LCP2: variants seen among roughly 807,000 people sequenced by gnomAD.
The protein encoded by LCP2 is lymphocyte cytosolic protein 2.
A neutral mutation model predicts 74.5 loss-of-function variants in LCP2; 29 were observed. That is an observed-to-expected ratio of 0.39 (90% CI 0.29 to 0.53). The LOEUF is 0.53. Ranked by LOEUF, LCP2 falls within the 20% of genes least tolerant of loss-of-function variation. LCP2 has a pLI of 0.72. For missense variants in LCP2, 604 were observed against 634.6 expected (o/e 0.95, Z 0.52); for synonymous variants, 228 against 229.5 (o/e 0.99, Z 0.06).
chr5:170,247,114 C>A lies in LCP2; in HGVS notation c.*1583G>T, dbSNP rs150085004. ...AAGTGGAGCTTACTCGATACTAGAA[C>A]CTATGGTGTATGCTATCCTTACTAC... On this transcript the variant is annotated 3_prime_UTR_variant, in exon 21 of 21. Transcript: ENST00000046794. The A allele has an allele frequency of 9.2e-5, 14 of 152,294 alleles. No homozygotes were observed. The highest frequency in any genetic ancestry group is 3.4e-4 in the African/African-American group (14 of 41,566). The allele number at this position is 152,294 out of a possible 1,614,324, so 9.4% of individuals were successfully genotyped here. A position where few individuals can be genotyped will look rare whatever the true frequency, so the allele number is the denominator to read the frequency against.
At chr5:170,290,998 A>AAGAG (rs746159566) in intron 2 of LCP2, among the ~76,000 whole-genome samples, 2 of 84,896 alleles carry the variant, frequency 2.4e-5, no homozygotes, top group Non-Finnish European at 5.2e-5. Context: ...GAAAGAAAGA[A>AAGAG]AGAGAGAAAG....
chr5:170,292,471 G>A (rs1245939311), intron 2 of LCP2, among the ~76,000 whole-genome samples: 1 of 152,114 alleles, frequency 6.6e-6, no homozygotes, highest in African/African-American at 2.4e-5. Context: ...TGATCTCTCT[G>A]GTCTCATCCA....
chr5:170,260,952 G>A (rs964548258), intron 14 of LCP2, 155 bp downstream of exon 14: 10 of 638,170 alleles, frequency 1.6e-5, no homozygotes, highest in African/African-American at 1.5e-4. Context: ...AAGGCCCAAA[G>A]ACAGAGGCAC....
At chr5:170,289,512 G>A (rs761716032) in intron 2 of LCP2, among the ~76,000 whole-genome samples, 8 of 152,156 alleles carry the variant, frequency 5.3e-5, no homozygotes, top group East Asian at 3.9e-4. Context: ...GACCACCTGC[G>A]GCAGGGTGGG....
At chr5:170,283,234 T>A (rs983667965) in intron 3 of LCP2, among the ~76,000 whole-genome samples, 1 of 152,170 alleles carries the variant, frequency 6.6e-6, no homozygotes, top group African/African-American at 2.4e-5. Flanking sequence ...TTTGTTTTAG[T>A]TTCCAGAGAG....
At chr5:170,272,392 C>T (rs572775012) in intron 6 of LCP2, among the ~76,000 whole-genome samples, 1 of 152,240 alleles carries the variant, frequency 6.6e-6, no homozygotes, top group South Asian at 2.1e-4. Context: ...AGTTGGGCCT[C>T]ATCAGTGACC....
In LCP2 at chr5:170,248,140, ATAAAAAAATTACG is replaced by A. The variant is rs1300004461; in HGVS notation, c.*544_*556del. On this transcript the variant is annotated 3_prime_UTR_variant, in exon 21 of 21. Coordinates refer to ENST00000046794, the MANE Select transcript of LCP2 (RefSeq NM_005565.5). ...TATCTCAACATGCATTTGTCTTTTC[ATAAAAAAATTACG>A]TAAAAATGCCCCCAGGAAAAAATAC... 1 of 152,394 alleles carries A rather than the reference ATAAAAAAATTACG, an allele frequency of 6.6e-6. No individual in the cohort carries two copies. The highest frequency in any genetic ancestry group is 2.4e-5 in the African/African-American group (1 of 41,450). The allele number at this position is 152,394 out of a possible 1,614,324, so 9.4% of individuals were successfully genotyped here.
chr5:170,253,523 T>C (rs1761492521), intron 17 of LCP2, among the ~76,000 whole-genome samples: 3 of 152,218 alleles, frequency 2.0e-5, no homozygotes, highest in Admixed American at 6.5e-5. Flanking sequence ...AAATTCGCAA[T>C]TGTTTTAATG....
rs545823298 is a variant in LCP2, at chr5:170,263,912, T to C, written c.773-920A>G. On this transcript the variant is annotated intron_variant, in intron 10 of 20. Transcript: ENST00000046794. ...AGGATCAGGCACTTGATTGTGAAAG[T>C]TGGTCATACAAATTGGGAATTTTAT... is the stretch of plus-strand genomic sequence containing the variant. 2.6e-5 allele frequency among the ~76,000 whole-genome samples: 4 copies of C among 152,322 alleles called. No homozygotes were observed. The East Asian group carries it at 5.8e-4, about 22-fold the overall frequency.
intron 14 of LCP2, among the ~76,000 whole-genome samples, chr5:170,260,570 A>G (rs1326522520): frequency 6.6e-6 from 1 of 152,214 alleles, no homozygotes; most frequent in Admixed American, 6.5e-5. Context: ...ATACTCAACT[A>G]TCCTGGTTTT....
intron 7 of LCP2, among the ~76,000 whole-genome samples, chr5:170,268,871 G>GCATACATGCATGCA (rs1554140438): frequency 0.036 from 1,679 of 47,068 alleles, 37 homozygotes; most frequent in African/African-American, 0.12. Context: ...ATACACATGT[G>GCATACATGCATGCA]CACACATGCA....
intron 2 of LCP2, among the ~76,000 whole-genome samples, chr5:170,290,430 T>A (rs1762269339): frequency 6.6e-6 from 1 of 152,124 alleles, no homozygotes; most frequent in African/African-American, 2.4e-5. Flanking sequence ...ATGGTGGAGG[T>A]CACATGACTC....
chr5:170,269,502 C>T (rs1761854113), intron 7 of LCP2, among the ~76,000 whole-genome samples: 2 of 152,264 alleles, frequency 1.3e-5, no homozygotes, highest in Admixed American at 6.5e-5. Flanking sequence ...AGGCCATGCT[C>T]CTTTGAGCCT....
chr5:170,269,855 TG>T (rs1761863848), intron 7 of LCP2, among the ~76,000 whole-genome samples: 1 of 152,226 alleles, frequency 6.6e-6, no homozygotes, highest in South Asian at 2.1e-4. Flanking sequence ...TCCACTTCCC[TG>T]TATATGAAAC....
chr5:170,248,023 A>G lies in LCP2; in HGVS notation c.*674T>C, dbSNP rs2113140485. The G allele has an allele frequency of 6.6e-6, 1 of 152,324 alleles. No individual in the cohort carries two copies. The highest frequency in any genetic ancestry group is 6.5e-5 in the Admixed American group (1 of 15,302). The allele number at this position is 152,324 out of a possible 1,614,324, so 9.4% of individuals were successfully genotyped here. A position where few individuals can be genotyped will look rare whatever the true frequency, so the allele number is the denominator to read the frequency against. Reference sequence around the variant, plus strand: ...GTATTTGTAGTTTAAATTTTCTTTAAGACAAAAATATAACAGTATGGACTA... The same window carrying G: ...GTATTTGTAGTTTAAATTTTCTTTAGGACAAAAATATAACAGTATGGACTA... On this transcript the variant is annotated 3_prime_UTR_variant, in exon 21 of 21. Transcript: ENST00000046794.
In LCP2 at chr5:170,287,949, T is replaced by C. The variant is rs367604563; in HGVS notation, c.188+21A>G. ...CCCACCTCTGCTCCCAGATCACCCA[T>C]AGAGTTGGAGGAGTACTTACGGCAC... On this transcript the variant is annotated intron_variant, in intron 3 of 20. Transcript: ENST00000046794. The C allele has an allele frequency of 3.9e-5, 63 of 1,607,066 alleles. 1 individual carries two copies. Among genetic ancestry groups the C allele is most frequent in the Non-Finnish European group, 4.9e-5 (58 of 1,173,826 alleles).
At chr5:170,264,978 C>CTTTTTTTTTTT (rs58508083) in intron 10 of LCP2, among the ~76,000 whole-genome samples, 11 of 109,000 alleles carry the variant, frequency 1.0e-4, no homozygotes, top group African/African-American at 4.5e-4. Flanking sequence ...CAAAATTTGC[C>CTTTTTTTTTTT]TTTTTTTTTT....
chr5:170,271,013 T>G, intron 6 of LCP2, 96 bp from the exon 7 acceptor site: 1 of 1,124,588 alleles, frequency 8.9e-7, no homozygotes, highest in South Asian at 1.6e-5. Flanking sequence ...CTCACAACAG[T>G]ATAACCCGGG....
Position 170,262,659 on chromosome 5 carries a change from G to T in LCP2, c.902C>A (p.Pro301Gln). ...TERHERSSPL[P>Q]GKKPPVPKHG... ...CTTTGGCACAGGTGGCTTCTTCCCT[G>T]GCAGGGGGCTGCTCCTTTCATGTCT... Residue 301 changes from proline to glutamine, a missense_variant, in exon 13 of 21, where the codon CCA becomes CAA. By Grantham distance (76) the Pro-to-Gln change is moderately conservative (BLOSUM62 -1). Transcript: ENST00000046794. 1.2e-6 allele frequency: 2 copies of T among 1,613,732 alleles called. No homozygotes were observed. The highest frequency in any genetic ancestry group is 8.5e-7 in the Non-Finnish European group (1 of 1,179,716).
Sources: allele counts gnomAD v4.1 joint callset (sites outside exome capture counted in the v4.1 genomes callset), GRCh38; gene constraint gnomAD v4.1.1; transcripts MANE v1.5; gene names NCBI Gene and HGNC (gene_info 2026-07-23, HGNC 2026-07-21).